The following CLVS1 variants were observed in gnomAD, a reference collection of about 807,000 sequenced individuals.
CLVS1 encodes the protein clavesin 1.
CLVS1 carries 10 observed loss-of-function variants against 33.1 expected under a neutral mutation model. The ratio of observed to expected loss-of-function variants is 0.30; its 90% CI spans 0.19 to 0.51. The LOEUF (loss-of-function observed/expected upper bound fraction) is 0.51, where lower values mean the gene tolerates loss of function less well. Ranked by LOEUF, CLVS1 falls within the 20% of genes least tolerant of loss-of-function variation. The pLI, the probability that CLVS1 is intolerant of heterozygous loss-of-function variation, is 0.97. For synonymous variants in CLVS1, 163 were observed against 166.1 expected (o/e 0.98, Z 0.14); for missense variants, 343 against 433.4 (o/e 0.79, Z 1.85).
At chr8:61,478,794 A>G (rs1390868298) in intron 5 of CLVS1, among the ~76,000 whole-genome samples, 2 of 152,166 alleles carry the variant, frequency 1.3e-5, no homozygotes, top group East Asian at 3.9e-4. Context: ...GTGTCTTTTA[A>G]TTGGAGCATT....
intron 2 of CLVS1, among the ~76,000 whole-genome samples, chr8:61,331,823 T>TCTTCC (rs1563499886): frequency 0.011 from 1,613 of 141,920 alleles, 32 homozygotes; most frequent in African/African-American, 0.039. Flanking sequence ...CCTCCTCCTC[T>TCTTCC]TCCTCCTCCT....
At chr8:61,308,517 AG>A (rs1810715463) in intron 2 of CLVS1, among the ~76,000 whole-genome samples, 1 of 152,178 alleles carries the variant, frequency 6.6e-6, no homozygotes, top group Non-Finnish European at 1.5e-5. Flanking sequence ...CTTCTTAGAA[AG>A]AGCACAGTCA....
At chr8:61,004,784 GC>G in the CLVS1 span, among the ~76,000 whole-genome samples, 4 of 152,174 alleles carry the variant, frequency 2.6e-5, no homozygotes, top group Non-Finnish European at 2.9e-5. Context: ...CCTGGGCCCC[GC>G]GGTGAGGGTT....
chr8:61,353,828 G>T (rs1812575183), intron 2 of CLVS1, among the ~76,000 whole-genome samples: 2 of 150,310 alleles, frequency 1.3e-5, no homozygotes, highest in East Asian at 1.9e-4. Context: ...CAACAAAATT[G>T]ATAAACCTCT....
At chr8:60,966,282 G>A in the CLVS1 span, 1 of 439,644 alleles carries the variant, frequency 2.3e-6, no homozygotes, top group Admixed American at 2.5e-5. Flanking sequence ...GCATGGGTGA[G>A]CTATGCAGCC....
upstream of CLVS1, among the ~76,000 whole-genome samples, chr8:61,053,709 A>C (rs1804424699): frequency 1.3e-5 from 2 of 151,986 alleles, no homozygotes; most frequent in Non-Finnish European, 2.9e-5. Context: ...GGACACAGTG[A>C]TATTGGTTTA....
intron 2 of CLVS1, among the ~76,000 whole-genome samples, chr8:61,256,649 A>AAC (rs1196757652): frequency 3.5e-5 from 3 of 85,410 alleles, no homozygotes; most frequent in African/African-American, 1.2e-4. Context: ...CAAAAACAAA[A>AAC]AAAAAAAATA....
intron 1 of CLVS1, among the ~76,000 whole-genome samples, chr8:61,102,633 G>A (rs2129286715): frequency 6.6e-6 from 1 of 152,210 alleles, no homozygotes; most frequent in Admixed American, 6.5e-5. Context: ...ATAACTTCTT[G>A]AGAGGGTACT....
intron 1 of CLVS1, among the ~76,000 whole-genome samples, chr8:61,070,618 T>C (rs1244504976): frequency 6.6e-6 from 1 of 152,176 alleles, no homozygotes; most frequent in Non-Finnish European, 1.5e-5. Context: ...GGCAGGAGGA[T>C]CACTTGAGCC....
the CLVS1 span, among the ~76,000 whole-genome samples, chr8:61,006,328 A>C: frequency 6.6e-6 from 1 of 152,156 alleles, no homozygotes; most frequent in Non-Finnish European, 1.5e-5. Context: ...TTCTGCAGAG[A>C]CTAGGACCTG....
intron 2 of CLVS1, among the ~76,000 whole-genome samples, chr8:61,246,245 C>T (rs566125967): frequency 2.6e-4 from 32 of 122,982 alleles, no homozygotes; most frequent in Non-Finnish European, 3.7e-4. Context: ...TCTCGGCTCA[C>T]TGGAACCTCT....
chr8:61,153,099 G>A (rs1806574645), intron 2 of CLVS1, among the ~76,000 whole-genome samples: 2 of 152,122 alleles, frequency 1.3e-5, no homozygotes, highest in African/African-American at 4.8e-5. Flanking sequence ...CTGGGTAACA[G>A]AGCGAGACCC....
the CLVS1 span, among the ~76,000 whole-genome samples, chr8:61,010,704 C>T: frequency 1.3e-5 from 2 of 152,220 alleles, no homozygotes; most frequent in African/African-American, 4.8e-5. Flanking sequence ...ACCTGCTCTA[C>T]TTAAAGCAGC....
intron 3 of CLVS1, chr8:61,390,976 A>ATTTTTTTTTT (rs3063289): frequency 6.8e-6 from 1 of 147,772 alleles, no homozygotes. Flanking sequence ...CTAGACTTAG[A>ATTTTTTTTTT]TTTTTTTTTT....
the CLVS1 span, among the ~76,000 whole-genome samples, chr8:61,031,030 A>G: frequency 6.6e-6 from 1 of 152,228 alleles, no homozygotes; most frequent in Admixed American, 6.5e-5. Flanking sequence ...AACCTCCAGA[A>G]TATATTAGCT....
At chr8:61,223,034 G>C (rs1808253131) in intron 2 of CLVS1, among the ~76,000 whole-genome samples, 1 of 148,152 alleles carries the variant, frequency 6.7e-6, no homozygotes, top group Non-Finnish European at 1.5e-5. Context: ...TCTTTGGTAA[G>C]TTTTCCTCAA....
chr8:61,268,115 A>G (rs1809350475), intron 2 of CLVS1, among the ~76,000 whole-genome samples: 1 of 151,186 alleles, frequency 6.6e-6, no homozygotes. Flanking sequence ...CACTGCACCC[A>G]CTAACTCATC....
At chr8:61,050,836 G>A in the CLVS1 span, among the ~76,000 whole-genome samples, 5 of 152,298 alleles carry the variant, frequency 3.3e-5, no homozygotes, top group East Asian at 1.9e-4. Context: ...GAGAGCCACC[G>A]TATCTCTGGG....
intron 2 of CLVS1, chr8:61,203,019 A>G (rs1807769910): frequency 7.5e-7 from 1 of 1,339,970 alleles, no homozygotes; most frequent in Non-Finnish European, 1.1e-6. Context: ...AAGGACAAGA[A>G]TCTTTCAAAA....
Sources: gnomAD v4.1 joint callset for allele counts (sites outside exome capture counted in the v4.1 genomes callset) on GRCh38, gnomAD v4.1.1 for gene constraint, MANE v1.5 for transcripts, NCBI Gene and HGNC (gene_info 2026-07-23, HGNC 2026-07-21) for gene names.